ARHGEF10: variants seen among roughly 807,000 people sequenced by gnomAD.
The protein encoded by ARHGEF10 is Rho guanine nucleotide exchange factor (GEF) 10.
In ARHGEF10, 140 loss-of-function variants were observed where a neutral mutation model predicts 147.4. The observed-to-expected ratio is 0.95, with a 90% CI of 0.83 to 1.09. ARHGEF10 has a LOEUF of 1.09. ARHGEF10 is among the 50% of genes least tolerant of loss of function. ARHGEF10 has a pLI of 0.00. For missense variants in ARHGEF10, 2,222 were observed against 1,752.7 expected, an observed-to-expected ratio of 1.27 and a Z score of -4.78; for synonymous variants, 902 against 695.8, an observed-to-expected ratio of 1.30 and a Z score of -4.67.
At chr8:1,867,460 G>A (rs1319167122) in intron 6 of ARHGEF10, among the ~76,000 whole-genome samples, 4 of 152,194 alleles carry the variant, frequency 2.6e-5, no homozygotes. Flanking sequence ...CGTAAACAGA[G>A]CAAAGAATTC....
chr8:1,888,190 T>TGTAAGGAGA (rs1563233854), intron 11 of ARHGEF10, among the ~76,000 whole-genome samples: 2 of 45,062 alleles, frequency 4.4e-5, no homozygotes, highest in Admixed American at 1.7e-4. Flanking sequence ...GGGTGAGGGT[T>TGTAAGGAGA]TGCGAGGAGA....
chr8:1,939,873 T>C (rs1813939483), intron 26 of ARHGEF10, among the ~76,000 whole-genome samples: 1 of 152,202 alleles, frequency 6.6e-6, no homozygotes, highest in African/African-American at 2.4e-5. Flanking sequence ...GCCAGCAGCC[T>C]TTGACTTGAC....
Position 1,880,042 on chromosome 8 carries a change from C to T in ARHGEF10, c.844-6C>T, listed in dbSNP as rs753392374. The stretch of plus-strand genomic sequence containing the variant: ...TGTGAAAAGACTGTGTCTCTTTATG[C>T]TGTAGCTTTCTCATGACCTAACCCG... On this transcript the variant is annotated splice_polypyrimidine_tract_variant and splice_region_variant and intron_variant, in intron 8 of 28. Transcript: ENST00000349830. The T allele has an allele frequency of 2.4e-5, 38 of 1,587,524 alleles. No individual in the cohort carries two copies. Among genetic ancestry groups the T allele is most frequent in the Non-Finnish European group, 3.2e-5 (37 of 1,155,868 alleles).
At chr8:1,893,385 T>C (rs944972582) in intron 11 of ARHGEF10, among the ~76,000 whole-genome samples, 184 bp from the exon 12 acceptor site, 1 of 152,348 alleles carries the variant, frequency 6.6e-6, no homozygotes, top group South Asian at 2.1e-4. Flanking sequence ...TAAGACATTA[T>C]ATAATTGTAT....
chr8:1,894,264 G>A (rs910438421), intron 12 of ARHGEF10, 129 bp from the exon 13 acceptor site: 4 of 891,310 alleles, frequency 4.5e-6, no homozygotes, highest in Non-Finnish European at 7.1e-6. Flanking sequence ...GTGGGAGGAT[G>A]GCTTGAGCCC....
chr8:1,894,432 C>T lies in ARHGEF10; in HGVS notation c.1300C>T (p.Leu434=). Residue 434 remains leucine (L), a synonymous_variant, in exon 13 of 29, where the codon CTG becomes TTG. Coordinates refer to ENST00000349830, the MANE Select transcript of ARHGEF10 (RefSeq NM_014629.4). ...GCTGTCTGAGATGGAGCCAAAGGTT[C>T]TGAGTGAGAGGAAGCTGAAGACGGT... is the stretch of plus-strand genomic sequence containing the variant. ...KPLSEMEPKV[L]SERKLKTVFY... is the part of the protein sequence containing the mutation. 1 of 1,614,220 alleles carries T rather than the reference C, an allele frequency of 6.2e-7. No individual in the cohort carries two copies. The highest frequency in any genetic ancestry group is 8.5e-7 in the Non-Finnish European group (1 of 1,180,030).
At chr8:1,877,234 T>C (rs1807785708) in intron 8 of ARHGEF10, among the ~76,000 whole-genome samples, 1 of 152,182 alleles carries the variant, frequency 6.6e-6, no homozygotes, top group Non-Finnish European at 1.5e-5. Context: ...CTTTTTTCTT[T>C]TTCTTTTTTT....
At chr8:1,830,913 C>T (rs1803059249) in intron 1 of ARHGEF10, among the ~76,000 whole-genome samples, 4 of 152,340 alleles carry the variant, frequency 2.6e-5, no homozygotes, top group East Asian at 1.9e-4. Flanking sequence ...GAGCCCACGT[C>T]CACAGAAGCC....
chr8:1,863,274 C>A (rs908028346), intron 4 of ARHGEF10, among the ~76,000 whole-genome samples: 5 of 152,214 alleles, frequency 3.3e-5, no homozygotes, highest in African/African-American at 7.2e-5. Flanking sequence ...CCCCCCAGCC[C>A]CTCGGGCATC....
rs75179461 is a variant in ARHGEF10 at position 1,905,128 on chromosome 8, C to T, written c.1822-443C>T. Among the ~76,000 whole-genome samples, 527 of 152,118 alleles carry T rather than the reference C, an allele frequency of 3.5e-3. 5 individuals are homozygous for T. In the East Asian group the frequency reaches 0.041, roughly 12 times the overall value. ...TGGGTAACAGAGCGAGGCTTGGTCT[C>T]AGAACAAACAAACAAAAAAGGTAGT... On this transcript the variant is annotated intron_variant, in intron 16 of 28. Transcript: ENST00000349830.
At chr8:1,902,555 C>G (rs569860699) in intron 15 of ARHGEF10, among the ~76,000 whole-genome samples, 1 of 151,970 alleles carries the variant, frequency 6.6e-6, no homozygotes, top group Non-Finnish European at 1.5e-5. Flanking sequence ...CAAAATTGAG[C>G]GGAAAGTACA....
chr8:1,936,470 G>A (rs966342160), intron 26 of ARHGEF10, among the ~76,000 whole-genome samples: 5 of 152,220 alleles, frequency 3.3e-5, no homozygotes, highest in Non-Finnish European at 4.4e-5. Flanking sequence ...AGATCGCACT[G>A]CTATACTCCA....
intron 18 of ARHGEF10, among the ~76,000 whole-genome samples, chr8:1,911,536 G>A (rs1402425422): frequency 2.0e-5 from 3 of 152,086 alleles, no homozygotes; most frequent in Admixed American, 1.3e-4. Flanking sequence ...GCTTTTTTCC[G>A]GCGTCAGGTA....
rs148723266 is a variant in ARHGEF10 at position 1,952,827 on chromosome 8, G to A, written c.3520G>A (p.Gly1174Arg). The A allele has an allele frequency of 7.4e-6, 12 of 1,613,742 alleles. No individual in the cohort carries two copies. Among genetic ancestry groups the A allele is most frequent in the African/African-American group, 2.7e-5 (2 of 74,944 alleles). ...PRLQGIPKVTGRGMVSYHAHN... is the reference protein window; with the variant it reads ...PRLQGIPKVTRRGMVSYHAHN... ...TCTGCAAGGGATTCCCAAAGTGACC[G>A]GTGAGTGGCACCTGCAGTCTGAGTG... is the stretch of plus-strand genomic sequence containing the variant. Residue 1174 changes from glycine (G) to arginine (R), a missense_variant and splice_region_variant, in exon 28 of 29, where the codon GGA becomes AGA. By Grantham distance (125) the Gly-to-Arg change is moderately radical. Coordinates refer to ENST00000349830, the MANE Select transcript of ARHGEF10 (RefSeq NM_014629.4).
At chr8:1,952,246 G>A (rs574829706) in intron 27 of ARHGEF10, among the ~76,000 whole-genome samples, 6 of 152,314 alleles carry the variant, frequency 3.9e-5, no homozygotes, top group East Asian at 1.9e-4. Flanking sequence ...GCTGAGGGCC[G>A]GTTACTCGAG....
At chr8:1,842,629 A>T (rs1196385583) in intron 1 of ARHGEF10, among the ~76,000 whole-genome samples, 1 of 152,198 alleles carries the variant, frequency 6.6e-6, no homozygotes, top group Non-Finnish European at 1.5e-5. Context: ...ACTGGAGCCG[A>T]GGCAGCTGGA....
At chr8:1,872,685 ACTG>A (rs1446639288) in intron 7 of ARHGEF10, among the ~76,000 whole-genome samples, 1 of 152,216 alleles carries the variant, frequency 6.6e-6, no homozygotes, top group Non-Finnish European at 1.5e-5. Context: ...AACATTAAAA[ACTG>A]CTGATAGAAG....
chr8:1,903,614 A>T (rs1472714546), intron 16 of ARHGEF10, 163 bp downstream of exon 16: 1 of 807,304 alleles, frequency 1.2e-6, no homozygotes, highest in South Asian at 1.6e-5. Context: ...AGTCACACCA[A>T]TGTGGAAATT....
chr8:1,876,117 T>C (rs183914342), intron 7 of ARHGEF10: 67 of 197,044 alleles, frequency 3.4e-4, no homozygotes, highest in Non-Finnish European at 5.5e-4. Context: ...ATCATCCACC[T>C]ATCCATCCAC....
Sources: allele counts gnomAD v4.1 joint callset (sites outside exome capture counted in the v4.1 genomes callset), GRCh38; gene constraint gnomAD v4.1.1; transcripts MANE v1.5; gene names NCBI Gene and HGNC (gene_info 2026-07-23, HGNC 2026-07-21).